DUX4: variants seen among roughly 807,000 people sequenced by gnomAD.
DUX4 encodes double homeobox 4.
chr4:190,182,360 C>T (rs1370337226), intron 1 of DUX4, among the ~76,000 whole-genome samples: 44 of 62,834 alleles, frequency 7.0e-4, no homozygotes, highest in Admixed American at 1.7e-3. Context: ...GATTCGGGTT[C>T]AGGTTAAGAG....
Position 190,175,807 on chromosome 4 carries a change from G to T in DUX4, c.*397G>T, listed in dbSNP as rs1312904225. 11 of 151,154 alleles carry T rather than the reference G, an allele frequency of 7.3e-5. 2 individuals carry two copies. The highest frequency in any genetic ancestry group is 1.3e-4 in the Non-Finnish European group (10 of 76,482). 9.4% of individuals were successfully genotyped at this position (151,154 alleles called of 1,614,324 possible). A position where few individuals can be genotyped will look rare whatever the true frequency, so the allele number is the denominator to read the frequency against. ...TTACATCTCCTGGATGATTAGTTCA[G>T]AGATATATTAAAATGCCCCCTCCCT... On this transcript the variant is annotated 3_prime_UTR_variant, in exon 2 of 2. Transcript: ENST00000565211.
chr4:190,175,895 C>G (rs1348853666), downstream of DUX4: 2 of 129,294 alleles, frequency 1.5e-5, no homozygotes, highest in African/African-American at 5.3e-5. Context: ...CACAATATCC[C>G]CTGTAGAAAA....
At chr4:190,176,312 C>T (rs1213936558), downstream of DUX4, among the ~76,000 whole-genome samples, 1 of 114,676 alleles carries the variant, frequency 8.7e-6, no homozygotes, top group African/African-American at 2.6e-5. Flanking sequence ...CCCCTGTAGG[C>T]AGAGCTTAGA....
intron 1 of DUX4, chr4:190,183,257 T>C (rs1742624666): frequency 9.2e-6 from 1 of 108,112 alleles, no homozygotes; most frequent in African/African-American, 2.7e-5. Context: ...ATGTTTGTCT[T>C]CAAAGAATGG....
chr4:190,179,530 TAGACAAGAG>T (rs1742502097), downstream of DUX4, among the ~76,000 whole-genome samples: 10 of 137,352 alleles, frequency 7.3e-5, no homozygotes, highest in Non-Finnish European at 1.5e-4. Flanking sequence ...AGGCAGAGCC[TAGACAAGAG>T]TTATATCACC....
intron 1 of DUX4, among the ~76,000 whole-genome samples, chr4:190,181,259 G>GGGGGATCAGTGCA (rs1742558944): frequency 6.7e-6 from 1 of 148,344 alleles, no homozygotes; most frequent in Non-Finnish European, 1.5e-5. Context: ...TCTGTCACCT[G>GGGGGATCAGTGCA]GGTGATCAGT....
Position 190,182,270 on chromosome 4 carries a change from G to A in DUX4, n.93-3071G>A, listed in dbSNP as rs1337725502. The A allele has an allele frequency of 1.2e-4, 15 of 125,904 alleles. 1 individual carries two copies. Among genetic ancestry groups the A allele is most frequent in the Non-Finnish European group, 1.9e-4 (10 of 53,842 alleles). The allele number at this position is 125,904 out of a possible 1,614,324, so 7.8% of individuals were successfully genotyped here. A position where few individuals can be genotyped will look rare whatever the true frequency, so the allele number is the denominator to read the frequency against. On this transcript the variant is annotated intron_variant and non_coding_transcript_variant, in intron 1 of 2. Transcript: ENST00000563716. ...AGGGTGAGCATTAGGTTTAGGGTTA[G>A]GGTTAGGGTTAGGGGTTAGGCTTAG...
downstream of DUX4, among the ~76,000 whole-genome samples, chr4:190,176,524 A>C (rs1335478909): frequency 9.6e-6 from 1 of 104,052 alleles, no homozygotes; most frequent in African/African-American, 2.7e-5. Context: ...GGCAGAGCCT[A>C]GACAAGTGTT....
intron 1 of DUX4, chr4:190,182,200 G>A (rs1742605306): frequency 7.2e-6 from 1 of 138,064 alleles, no homozygotes; most frequent in South Asian, 2.4e-4. Flanking sequence ...TAGGGTGAGG[G>A]TGAGGGTTAG....
chr4:190,176,149 G>A (rs1434357378), downstream of DUX4, among the ~76,000 whole-genome samples: 2 of 113,104 alleles, frequency 1.8e-5, no homozygotes, highest in South Asian at 3.1e-4. Context: ...GATCAGTGCA[G>A]AGATATCTCA....
downstream of DUX4, among the ~76,000 whole-genome samples, chr4:190,178,223 T>G (rs1742411478): frequency 3.7e-4 from 56 of 150,064 alleles, no homozygotes; most frequent in East Asian, 2.0e-3. Flanking sequence ...ATGCCCCCTG[T>G]AGGCAGAGCA....
chr4:190,183,351 A>T lies in DUX4; in HGVS notation n.93-1990A>T, dbSNP rs1206259900. The T allele has an allele frequency of 6.5e-5, 7 of 107,328 alleles. 1 individual carries two copies. The highest frequency in any genetic ancestry group is 1.9e-4 in the African/African-American group (7 of 37,458). 6.6% of individuals were successfully genotyped at this position (107,328 alleles called of 1,614,324 possible). A position where few individuals can be genotyped will look rare whatever the true frequency, so the allele number is the denominator to read the frequency against. On this transcript the variant is annotated intron_variant and non_coding_transcript_variant, in intron 1 of 2. Transcript: ENST00000563716. ...TGGACAAAACGGGTCCCCAGGAGCT[A>T]CAGGCTGCAGAAGCAGCTTCTCCTC...
chr4:190,178,366 A>AGAGCCTAGAAAACAGTTAC (rs1742421030), downstream of DUX4, among the ~76,000 whole-genome samples: 1 of 151,224 alleles, frequency 6.6e-6, no homozygotes, highest in Non-Finnish European at 1.5e-5. Flanking sequence ...CCCTGTAGGC[A>AGAGCCTAGAAAACAGTTAC]AAGCCTAGGC....
At chr4:190,176,802 A>G (rs1579832019), downstream of DUX4, among the ~76,000 whole-genome samples, 2 of 140,412 alleles carry the variant, frequency 1.4e-5, no homozygotes, top group East Asian at 2.2e-4. Context: ...TGCCTAGACA[A>G]GAGTTGAATC....
At chr4:190,180,009 CTAG>C (rs1742525126), downstream of DUX4, among the ~76,000 whole-genome samples, 1 of 101,102 alleles carries the variant, frequency 9.9e-6, no homozygotes. Context: ...AGAGCTTAAA[CTAG>C]AGTTACATCA....
chr4:190,182,351 A>ATTCGGG (rs1333541048), intron 1 of DUX4, among the ~76,000 whole-genome samples: 3,524 of 60,914 alleles, frequency 0.058, 12 homozygotes, highest in South Asian at 0.081. Flanking sequence ...TCAAGTTTGG[A>ATTCGGG]TTCGGGTTCA....
At chr4:190,179,282 G>GATCATTGCAGTGATATGTCACA (rs1742485050), downstream of DUX4, among the ~76,000 whole-genome samples, 2 of 145,094 alleles carry the variant, frequency 1.4e-5, no homozygotes, top group East Asian at 2.0e-4. Flanking sequence ...TGACCTGGGT[G>GATCATTGCAGTGATATGTCACA]ATCAGTGCAG....
downstream of DUX4, among the ~76,000 whole-genome samples, chr4:190,177,238 T>TGG (rs1742354185): frequency 7.1e-5 from 2 of 28,264 alleles, no homozygotes; most frequent in Admixed American, 4.3e-4. Flanking sequence ...TGGGTGATCA[T>TGG]TGCAGAGATA....
downstream of DUX4, among the ~76,000 whole-genome samples, chr4:190,176,115 A>T (rs1742292647): frequency 8.8e-6 from 1 of 113,168 alleles, no homozygotes; most frequent in Non-Finnish European, 2.1e-5. Context: ...GGCAGAGTGT[A>T]GGCAAGTGTT....
Sources: allele counts gnomAD v4.1 joint callset (sites outside exome capture counted in the v4.1 genomes callset), GRCh38; gene constraint gnomAD v4.1.1; transcripts MANE v1.5; gene names NCBI Gene and HGNC (gene_info 2026-07-23, HGNC 2026-07-21).